VWA3B: variants seen among roughly 807,000 people sequenced by gnomAD.
VWA3B encodes von Willebrand factor A domain containing 3B, also known as von Willebrand factor A domain-containing protein 3B.
Under a neutral mutation model 158.3 loss-of-function variants are expected in VWA3B, and 138 were observed. The observed-to-expected ratio is 0.87, with a 90% CI of 0.76 to 1.00. VWA3B has a LOEUF of 1.00. Ranked by LOEUF, VWA3B falls within the 50% of genes least tolerant of loss-of-function variation. The pLI, the probability that VWA3B is intolerant of heterozygous loss-of-function variation, is 0.00. For synonymous variants in VWA3B, 596 were observed against 587.3 expected (o/e 1.01, Z -0.21); for missense variants, 1,555 against 1,565.1 (o/e 0.99, Z 0.11).
chr2:98,210,272 T>C (rs1172156694), intron 12 of VWA3B, among the ~76,000 whole-genome samples: 5 of 152,126 alleles, frequency 3.3e-5, no homozygotes, highest in Non-Finnish European at 7.4e-5. Context: ...TACTCATCCT[T>C]TAAGAGTCTT....
chr2:98,287,882 G>A (rs925195546), intron 22 of VWA3B, among the ~76,000 whole-genome samples: 1 of 151,914 alleles, frequency 6.6e-6, no homozygotes, highest in South Asian at 2.1e-4. Flanking sequence ...TAGAGTACAT[G>A]GTCTTTTTCT....
At chr2:98,329,025 C>T in the VWA3B span, among the ~76,000 whole-genome samples, 1 of 152,092 alleles carries the variant, frequency 6.6e-6, no homozygotes, top group Non-Finnish European at 1.5e-5. Context: ...CAAAAAAGGA[C>T]CCACACACAT....
At chr2:98,207,214 C>T (rs1414732132) in intron 12 of VWA3B, 3 of 546,052 alleles carry the variant, frequency 5.5e-6, no homozygotes, top group Non-Finnish European at 1.1e-5. Flanking sequence ...GATCTATCAC[C>T]TCTGTACAGG....
At chr2:98,120,700 C>CT (rs528929342) in intron 4 of VWA3B, among the ~76,000 whole-genome samples, 3 of 152,146 alleles carry the variant, frequency 2.0e-5, no homozygotes, top group Non-Finnish European at 4.4e-5. Context: ...AATGGCTCTT[C>CT]TTTTTTTGGA....
intron 7 of VWA3B, among the ~76,000 whole-genome samples, chr2:98,143,196 C>G (rs956900514): frequency 1.3e-5 from 2 of 152,058 alleles, no homozygotes; most frequent in Admixed American, 1.3e-4. Context: ...CCTGCCATCA[C>G]GCCAGGCTAA....
At position 98,218,009 on chromosome 2, in the gene VWA3B, C is replaced by G; in HGVS notation, c.2000C>G (p.Thr667Ser). Residue 667 changes from threonine to serine, a missense_variant, in exon 14 of 28, where the codon ACT becomes AGT. Coordinates refer to ENST00000477737, the MANE Select transcript of VWA3B (RefSeq NM_144992.5). ...HFYNFGCKDP[T>S]PPEAVQNEDL... ...TATAATTTTGGTTGCAAGGATCCCA[C>G]TCCCCCAGAGGCTGTTCAGGTAAGA... 1 of 1,610,946 alleles carries G rather than the reference C, an allele frequency of 6.2e-7. No individual in the cohort carries two copies. The highest frequency in any genetic ancestry group is 1.7e-4 in the Middle Eastern group (1 of 6,052).
intron 7 of VWA3B, among the ~76,000 whole-genome samples, chr2:98,145,691 C>T (rs2105131771): frequency 6.6e-6 from 1 of 151,804 alleles, no homozygotes; most frequent in South Asian, 2.1e-4. Context: ...TCAATTTCAT[C>T]TTAACTGCTG....
At chr2:98,169,715 CTGTGTGTGTGTGTGTGTGTG>C (rs61535424) in intron 8 of VWA3B, among the ~76,000 whole-genome samples, 45 of 134,334 alleles carry the variant, frequency 3.3e-4, no homozygotes, top group African/African-American at 1.0e-3. Flanking sequence ...CCTGGGCATT[CTGTGTGTGTGTGTGTGTGTG>C]TGTGTGTGTG....
At chr2:98,156,598 G>A (rs780013848) in intron 7 of VWA3B, among the ~76,000 whole-genome samples, 3 of 151,648 alleles carry the variant, frequency 2.0e-5, no homozygotes, top group Non-Finnish European at 2.9e-5. Flanking sequence ...ATTTTTATGC[G>A]CTATAGATCC....
chr2:98,186,367 A>G (rs778149361), intron 9 of VWA3B, among the ~76,000 whole-genome samples: 2 of 151,716 alleles, frequency 1.3e-5, no homozygotes, highest in Admixed American at 6.6e-5. Flanking sequence ...TCCCCTGTGC[A>G]TGCCGGCCGG....
chr2:98,206,142 A>G (rs530424397), intron 12 of VWA3B: 2 of 152,504 alleles, frequency 1.3e-5, no homozygotes, highest in African/African-American at 4.8e-5. Context: ...TCTCCACCCA[A>G]ACTCTACCAT....
chr2:98,276,497 C>G (rs917723750), intron 22 of VWA3B, among the ~76,000 whole-genome samples: 3 of 152,240 alleles, frequency 2.0e-5, no homozygotes, highest in Admixed American at 6.5e-5. Flanking sequence ...GAAAGAGCCC[C>G]TCTGTTCATC....
intron 5 of VWA3B, among the ~76,000 whole-genome samples, chr2:98,127,423 A>G (rs2105006384): frequency 6.6e-6 from 1 of 152,040 alleles, no homozygotes; most frequent in South Asian, 2.1e-4. Context: ...TCCCGGGAGG[A>G]GCGAGGGTGG....
At chr2:98,260,253 T>G (rs1687399541) in intron 21 of VWA3B, among the ~76,000 whole-genome samples, 1 of 151,800 alleles carries the variant, frequency 6.6e-6, no homozygotes, top group Non-Finnish European at 1.5e-5. Flanking sequence ...TAGTGTTTTC[T>G]AGTCCTCTAT....
chr2:98,134,029 A>C (rs1676071835), intron 7 of VWA3B, 90 bp downstream of exon 7: 5 of 1,030,484 alleles, frequency 4.9e-6, no homozygotes, highest in Non-Finnish European at 7.5e-6. Context: ...CGAGGGAGAG[A>C]CTCCCCATGT....
chr2:98,100,300 C>T (rs1180543995), intron 2 of VWA3B, among the ~76,000 whole-genome samples: 1 of 152,198 alleles, frequency 6.6e-6, no homozygotes, highest in Non-Finnish European at 1.5e-5. Flanking sequence ...GACATTGCAG[C>T]ACTAGGGGGT....
At chr2:98,163,027 C>G in intron 8 of VWA3B, 51 bp downstream of exon 8, 1 of 1,604,522 alleles carries the variant, frequency 6.2e-7, no homozygotes, top group Non-Finnish European at 8.5e-7. Flanking sequence ...ATGTTACTAG[C>G]TGGGGACCAG....
chr2:98,128,452 T>G (rs145266946), intron 6 of VWA3B, 44 bp downstream of exon 6: 1 of 1,598,786 alleles, frequency 6.3e-7, no homozygotes, highest in East Asian at 2.2e-5. Context: ...GCGGGTTGCC[T>G]GCTCACACAG....
At chr2:98,194,977 GAA>G (rs1462740476) in intron 12 of VWA3B, among the ~76,000 whole-genome samples, 1 of 152,216 alleles carries the variant, frequency 6.6e-6, no homozygotes, top group Non-Finnish European at 1.5e-5. Context: ...GTAAGAAGGT[GAA>G]ATCATTTCCT....
Sources: allele counts gnomAD v4.1 joint callset (sites outside exome capture counted in the v4.1 genomes callset), GRCh38; gene constraint gnomAD v4.1.1; transcripts MANE v1.5; gene names NCBI Gene and HGNC (gene_info 2026-07-23, HGNC 2026-07-21).